Variants in HMCN1 observed in about 807,000 individuals in gnomAD.
HMCN1 encodes hemicentin-1.
A neutral mutation model predicts 625.9 loss-of-function variants in HMCN1; 321 were observed. The observed-to-expected ratio is 0.51, with a 90% CI of 0.47 to 0.56. The LOEUF is 0.56. HMCN1 is among the 20% of genes least tolerant of loss of function. The pLI is 0.00. For synonymous variants in HMCN1, 2,425 were observed against 2,417.6 expected, an observed-to-expected ratio of 1.00 and a Z score of -0.09; for missense variants, 6,588 against 6,887.3, an observed-to-expected ratio of 0.96 and a Z score of 1.54.
intron 11 of HMCN1, among the ~76,000 whole-genome samples, chr1:185,945,007 AATTAT>A (rs1453744567): frequency 2.6e-5 from 4 of 152,252 alleles, no homozygotes; most frequent in African/African-American, 9.6e-5. Context: ...CTAAGAAATA[AATTAT>A]ATTACTAAAG....
At chr1:186,013,664 G>C (rs1042525182) in intron 30 of HMCN1, among the ~76,000 whole-genome samples, 1 of 152,022 alleles carries the variant, frequency 6.6e-6, no homozygotes, top group African/African-American at 2.4e-5. Context: ...TAGTAAGGCC[G>C]AAAGTAAGGA....
intron 4 of HMCN1, among the ~76,000 whole-genome samples, chr1:185,885,085 GT>G (rs75514680): frequency 9.6e-5 from 14 of 146,182 alleles, no homozygotes; most frequent in Middle Eastern, 7.0e-3. Context: ...TTCATTTTAT[GT>G]TTTTTTTTTG....
chr1:185,814,280 AC>A (rs1659708719), intron 1 of HMCN1, among the ~76,000 whole-genome samples: 1 of 151,666 alleles, frequency 6.6e-6, no homozygotes, highest in African/African-American at 2.4e-5. Flanking sequence ...TTATTCCCTT[AC>A]CTTTCAAATA....
intron 15 of HMCN1, among the ~76,000 whole-genome samples, chr1:185,970,773 C>T (rs1164068948): frequency 6.6e-6 from 1 of 152,080 alleles, no homozygotes; most frequent in Non-Finnish European, 1.5e-5. Flanking sequence ...ATTCTCCTGC[C>T]TCAGCCTCCT....
intron 6 of HMCN1, among the ~76,000 whole-genome samples, chr1:185,912,321 A>G (rs1666468054): frequency 6.6e-6 from 1 of 152,196 alleles, no homozygotes; most frequent in African/African-American, 2.4e-5. Context: ...CAAAGCAAGC[A>G]TTCAAGTGCT....
chr1:186,144,046 TGGTTCAGTTTCAATTCTC>T (rs2102552909), intron 89 of HMCN1, 109 bp from the exon 90 acceptor site: 1 of 762,836 alleles, frequency 1.3e-6, no homozygotes, highest in Non-Finnish European at 2.0e-6. Flanking sequence ...ATGTTTCATT[TGGTTCAGTTTCAATTCTC>T]TTAGATTGGG....
At chr1:185,757,646 A>G (rs1444489096) in intron 1 of HMCN1, among the ~76,000 whole-genome samples, 3 of 151,950 alleles carry the variant, frequency 2.0e-5, no homozygotes, top group Non-Finnish European at 2.9e-5. Context: ...ATAAATATAT[A>G]TGCTTATTTA....
chr1:185,802,721 C>T (rs1658882382), intron 1 of HMCN1, among the ~76,000 whole-genome samples: 1 of 152,076 alleles, frequency 6.6e-6, no homozygotes, highest in East Asian at 1.9e-4. Context: ...ATTGACTTGA[C>T]TCAGGATTGT....
At chr1:185,749,355 G>A (rs1370647978) in intron 1 of HMCN1, among the ~76,000 whole-genome samples, 1 of 152,164 alleles carries the variant, frequency 6.6e-6, no homozygotes, top group African/African-American at 2.4e-5. Context: ...TCTTTTTCAT[G>A]ACGGTTTTGG....
chr1:186,186,909 A>G (rs1653344908), intron 105 of HMCN1, among the ~76,000 whole-genome samples: 1 of 151,918 alleles, frequency 6.6e-6, no homozygotes, highest in Non-Finnish European at 1.5e-5. Context: ...GGATCTTAAA[A>G]TTCCTTAAGA....
In HMCN1 at chr1:186,074,736, C is replaced by A; in HGVS notation, c.8140-5C>A. On this transcript the variant is annotated splice_region_variant and splice_polypyrimidine_tract_variant and intron_variant, in intron 52 of 106. Coordinates refer to ENST00000271588, the MANE Select transcript of HMCN1 (RefSeq NM_031935.3). ...AATGCTAACATTGTTATAATTGAAT[C>A]ACAGCCCCTTAAATCCGATGATCAT... 5.0e-6 allele frequency: 8 copies of A among 1,612,130 alleles called. No homozygotes were observed. The highest frequency in any genetic ancestry group is 6.8e-6 in the Non-Finnish European group (8 of 1,178,676).
At chr1:186,059,402 T>C (rs1657543572) in intron 46 of HMCN1, among the ~76,000 whole-genome samples, 1 of 151,982 alleles carries the variant, frequency 6.6e-6, no homozygotes, top group Non-Finnish European at 1.5e-5. Context: ...CTCCTGGAAG[T>C]GAAAAAGGCA....
At chr1:186,165,632 G>A (rs1651828702) in intron 98 of HMCN1, among the ~76,000 whole-genome samples, 1 of 152,194 alleles carries the variant, frequency 6.6e-6, no homozygotes, top group African/African-American at 2.4e-5. Context: ...ACCAGCACAA[G>A]AGAGGTACAG....
At chr1:186,184,489 C>G (rs984004137) in intron 105 of HMCN1, among the ~76,000 whole-genome samples, 5 of 152,118 alleles carry the variant, frequency 3.3e-5, no homozygotes, top group Non-Finnish European at 4.4e-5. Context: ...CATGACCAAT[C>G]AAGAATTGCC....
chr1:185,964,388 A>C (rs1345480395), intron 13 of HMCN1, among the ~76,000 whole-genome samples: 1 of 152,160 alleles, frequency 6.6e-6, no homozygotes, highest in Non-Finnish European at 1.5e-5. Context: ...TCTTAGTCAA[A>C]TAAAGGATAA....
In HMCN1 at chr1:186,145,907, T is replaced by G. The variant is rs751148091; in HGVS notation, c.14592T>G (p.Asn4864Lys). Residue 4864 changes from asparagine (N) to lysine (K), a missense_variant, in exon 93 of 107, where the codon AAT becomes AAG. By Grantham distance (94) the Asn-to-Lys change is moderately conservative. This residue lies in a region of HMCN1 where 1,954 missense variants were observed against 2,013.1 expected (regional missense o/e 0.97). Coordinates refer to ENST00000271588, the MANE Select transcript of HMCN1 (RefSeq NM_031935.3). ...PGDTTQVTRC[N>K]VQACPGGPQR... ...ACACTACTCAGGTGACCAGGTGCAATGTACAAGCATGTCCAGGTAAGCAAC... is the reference window on the plus strand; with the variant it reads ...ACACTACTCAGGTGACCAGGTGCAAGGTACAAGCATGTCCAGGTAAGCAAC... 6.2e-7 allele frequency: 1 copy of G among 1,613,932 alleles called. No individual in the cohort carries two copies. The highest frequency in any genetic ancestry group is 8.5e-7 in the Non-Finnish European group (1 of 1,179,984).
chr1:185,943,721 A>G (rs1475463729), intron 11 of HMCN1, among the ~76,000 whole-genome samples: 1 of 152,126 alleles, frequency 6.6e-6, no homozygotes, highest in Non-Finnish European at 1.5e-5. Flanking sequence ...GGATTAAATC[A>G]TTGGCTGTTT....
chr1:185,773,942 T>C (rs193048521), intron 1 of HMCN1, among the ~76,000 whole-genome samples: 4 of 152,212 alleles, frequency 2.6e-5, no homozygotes, highest in Admixed American at 6.5e-5. Flanking sequence ...TCTTAAATTA[T>C]GAGTGTGAGA....
At chr1:185,814,970 G>T (rs1156517230) in intron 1 of HMCN1, among the ~76,000 whole-genome samples, 2 of 150,162 alleles carry the variant, frequency 1.3e-5, no homozygotes, top group Non-Finnish European at 2.9e-5. Context: ...GGGATTACAG[G>T]TGTGAGCCTG....
Sources: gnomAD v4.1 joint callset for allele counts (sites outside exome capture counted in the v4.1 genomes callset) on GRCh38, gnomAD v4.1.1 for gene constraint, gnomAD v4.1.1 regional missense constraint, MANE v1.5 for transcripts, NCBI Gene and HGNC (gene_info 2026-07-23, HGNC 2026-07-21) for gene names.